Variants in TOX2 observed in about 807,000 individuals in gnomAD.
TOX2 encodes the protein TOX high mobility group box family member 2.
TOX2 carries 15 observed loss-of-function variants against 47.4 expected under a neutral mutation model. The observed-to-expected ratio is 0.32, with a 90% CI of 0.21 to 0.49. The LOEUF is 0.49. Ranked by LOEUF, TOX2 falls within the 20% of genes least tolerant of loss-of-function variation. The probability of loss-of-function intolerance (pLI) is 0.99; values close to 1 mark genes in which losing one functional copy is unlikely to be tolerated. For synonymous variants in TOX2, 290 were observed against 296.6 expected (o/e 0.98, Z 0.23); for missense variants, 622 against 673.1 (o/e 0.92, Z 0.84).
chr20:43,921,314 C>T (rs1224109831), intron 1 of TOX2, among the ~76,000 whole-genome samples: 1 of 152,216 alleles, frequency 6.6e-6, no homozygotes, highest in Non-Finnish European at 1.5e-5. Flanking sequence ...ATCTATTTTG[C>T]TTCTCTGATT....
At chr20:44,020,529 G>A (rs1438330459) in intron 3 of TOX2, among the ~76,000 whole-genome samples, 1 of 152,136 alleles carries the variant, frequency 6.6e-6, no homozygotes, top group Admixed American at 6.5e-5. Context: ...TCGAGAAAGG[G>A]GCAGGTGTGT....
intron 3 of TOX2, among the ~76,000 whole-genome samples, chr20:44,048,324 G>GTA (rs1232988182): frequency 2.0e-5 from 3 of 147,302 alleles, no homozygotes; most frequent in Non-Finnish European, 4.5e-5. Flanking sequence ...AAACCACAGA[G>GTA]TATATTTTTA....
intron 2 of TOX2, among the ~76,000 whole-genome samples, chr20:43,997,681 T>C (rs77712686): frequency 4.7e-4 from 71 of 152,362 alleles, no homozygotes; most frequent in African/African-American, 1.7e-3. Context: ...TATTTTGTTA[T>C]TCTATTTCTA....
chr20:44,039,789 A>G (rs945452786), intron 3 of TOX2, among the ~76,000 whole-genome samples: 1 of 152,186 alleles, frequency 6.6e-6, no homozygotes, highest in Non-Finnish European at 1.5e-5. Context: ...TCGAGGTTTC[A>G]TCTACAAACT....
At chr20:43,982,476 C>T (rs530891648) in intron 2 of TOX2, among the ~76,000 whole-genome samples, 2 of 152,028 alleles carry the variant, frequency 1.3e-5, no homozygotes, top group Admixed American at 6.5e-5. Flanking sequence ...GGCCTGGGGT[C>T]CAGTGCAGCT....
At chr20:44,062,621 T>G (rs143743231) in intron 5 of TOX2, among the ~76,000 whole-genome samples, 61 of 152,100 alleles carry the variant, frequency 4.0e-4, no homozygotes, top group African/African-American at 1.4e-3. Context: ...CCACCAACAT[T>G]CTTCACAGAA....
At chr20:44,067,793 A>T (rs1031824007) in intron 8 of TOX2, among the ~76,000 whole-genome samples, 1 of 151,886 alleles carries the variant, frequency 6.6e-6, no homozygotes, top group Non-Finnish European at 1.5e-5. Flanking sequence ...TTGCTCCTTA[A>T]CCCGCCAGCC....
At chr20:43,954,717 C>T (rs2069637470) in intron 1 of TOX2, among the ~76,000 whole-genome samples, 1 of 152,210 alleles carries the variant, frequency 6.6e-6, no homozygotes, top group Non-Finnish European at 1.5e-5. Flanking sequence ...CCTTGACCCA[C>T]TCCCTGTGCT....
At chr20:43,934,505 GA>G in intron 1 of TOX2, among the ~76,000 whole-genome samples, 1 of 152,258 alleles carries the variant, frequency 6.6e-6, no homozygotes, top group South Asian at 2.1e-4. Flanking sequence ...CTTCCTAAGG[GA>G]CCATACCACA....
At chr20:43,966,959 CCACCAA>C (rs11278827) in intron 1 of TOX2, among the ~76,000 whole-genome samples, 128,033 of 151,360 alleles carry the variant, frequency 0.85, 54,280 homozygotes, top group Middle Eastern at 0.87. Flanking sequence ...TGACACGGAC[CCACCAA>C]CACCAACATG....
At chr20:43,952,660 G>A (rs978106914) in intron 1 of TOX2, among the ~76,000 whole-genome samples, 1 of 152,200 alleles carries the variant, frequency 6.6e-6, no homozygotes, top group African/African-American at 2.4e-5. Context: ...AAATGGTAAG[G>A]GGAGCCTGAG....
chr20:44,055,539 G>C (rs1395252660), intron 5 of TOX2, among the ~76,000 whole-genome samples: 1 of 152,204 alleles, frequency 6.6e-6, no homozygotes, highest in African/African-American at 2.4e-5. Context: ...AGCTGGAAAG[G>C]AGGGCAGGGG....
At chr20:44,018,547 C>T (rs188891460) in intron 3 of TOX2, among the ~76,000 whole-genome samples, 55 of 152,256 alleles carry the variant, frequency 3.6e-4, no homozygotes, top group East Asian at 1.7e-3. Flanking sequence ...TCTTTGGCTC[C>T]GCAGAATGTC....
intron 5 of TOX2, among the ~76,000 whole-genome samples, chr20:44,056,050 T>C (rs1032955037): frequency 6.6e-6 from 1 of 152,104 alleles, no homozygotes; most frequent in Non-Finnish European, 1.5e-5. Context: ...GAATCCACCA[T>C]GGGCAACTGG....
intron 1 of TOX2, among the ~76,000 whole-genome samples, chr20:43,934,168 A>AGAGAGAGAGAGAG (rs1569010329): frequency 2.1e-5 from 3 of 145,622 alleles, no homozygotes; most frequent in African/African-American, 7.8e-5. Flanking sequence ...AGAGAGAGAG[A>AGAGAGAGAGAGAG]CCTGCCCTCA....
chr20:43,952,314 A>G (rs2069592984), intron 1 of TOX2, among the ~76,000 whole-genome samples: 1 of 152,132 alleles, frequency 6.6e-6, no homozygotes, highest in Non-Finnish European at 1.5e-5. Flanking sequence ...CTGGAATTAC[A>G]GGTGTGAGCC....
At position 43,916,083 on chromosome 20, in the gene TOX2, C is replaced by A; in HGVS notation, c.99+1093C>A. Reference sequence around the variant, plus strand: ...CCAGACTGTCCGCGCGTCCGCCAGTCGGTGCGTCGGTCCCGGGCCGGCTGG... The same window carrying A: ...CCAGACTGTCCGCGCGTCCGCCAGTAGGTGCGTCGGTCCCGGGCCGGCTGG... On this transcript the variant is annotated intron_variant, in intron 1 of 8. Coordinates refer to ENST00000341197, the MANE Select transcript of TOX2 (RefSeq NM_001098797.2). The surrounding 1 kb of genome is among the most constrained non-coding windows in gnomAD (Gnocchi z 5.0). The A allele has an allele frequency of 1.0e-6, 1 of 975,086 alleles. No homozygotes were observed. Among genetic ancestry groups the A allele is most frequent in the Non-Finnish European group, 1.2e-6 (1 of 820,468 alleles). The allele number at this position is 975,086 out of a possible 1,614,324, so 60.4% of individuals were successfully genotyped here.
At chr20:44,017,429 T>C (rs1211548063) in intron 3 of TOX2, among the ~76,000 whole-genome samples, 2 of 152,164 alleles carry the variant, frequency 1.3e-5, no homozygotes, top group Admixed American at 1.3e-4. Flanking sequence ...TTATTTCGGC[T>C]TCACCACCTC....
chr20:44,013,120 G>T (rs1367159894), intron 3 of TOX2, among the ~76,000 whole-genome samples: 1 of 152,182 alleles, frequency 6.6e-6, no homozygotes, highest in African/African-American at 2.4e-5. Context: ...GATCCTGGGG[G>T]CAGGGCCTTG....
Sources: allele counts gnomAD v4.1 joint callset (sites outside exome capture counted in the v4.1 genomes callset), GRCh38; gene constraint gnomAD v4.1.1; non-coding constraint Gnocchi (gnomAD v3.1); transcripts MANE v1.5; gene names NCBI Gene and HGNC (gene_info 2026-07-23, HGNC 2026-07-21).